Variants in GRM7 observed in about 807,000 individuals in gnomAD.
GRM7 encodes the protein metabotropic glutamate receptor 7.
GRM7 carries 35 observed loss-of-function variants against 84.5 expected under a neutral mutation model. That is an observed-to-expected ratio of 0.41 (90% confidence interval 0.32 to 0.55). GRM7 has a LOEUF of 0.55. GRM7 is among the 20% of genes least tolerant of loss of function. GRM7 has a pLI of 0.19. For synonymous variants in GRM7, 487 were observed against 455.1 expected, an observed-to-expected ratio of 1.07 and a Z score of -0.89; for missense variants, 1,003 against 1,194.6, an observed-to-expected ratio of 0.84 and a Z score of 2.36.
At chr3:7,403,355 AATTGTATGT>A (rs1212258638) in intron 4 of GRM7, among the ~76,000 whole-genome samples, 1 of 151,668 alleles carries the variant, frequency 6.6e-6, no homozygotes, top group Non-Finnish European at 1.5e-5. Flanking sequence ...ATAAATGTAT[AATTGTATGT>A]ATTGTAATAG....
At chr3:6,873,003 G>T (rs192161825) in intron 1 of GRM7, among the ~76,000 whole-genome samples, 48 of 152,220 alleles carry the variant, frequency 3.2e-4, no homozygotes, top group African/African-American at 1.2e-3. Flanking sequence ...GGGTCAAATG[G>T]TATTTCTGGT....
chr3:7,063,865 C>G (rs79559401), intron 1 of GRM7, among the ~76,000 whole-genome samples: 1,984 of 151,758 alleles, frequency 0.013, 23 homozygotes, highest in Admixed American at 0.025. Context: ...CCAACAGAAG[C>G]TGTCCATAGT....
intron 1 of GRM7, among the ~76,000 whole-genome samples, chr3:6,914,897 C>T (rs982742180): frequency 2.0e-5 from 3 of 152,084 alleles, no homozygotes; most frequent in African/African-American, 7.2e-5. Context: ...CCAGTGTGGC[C>T]CCTATCGTTC....
intron 5 of GRM7, among the ~76,000 whole-genome samples, chr3:7,445,350 C>T (rs1002590811): frequency 6.6e-6 from 1 of 152,084 alleles, no homozygotes; most frequent in Non-Finnish European, 1.5e-5. Flanking sequence ...AACAGAGAGG[C>T]AAGAAACGGA....
At chr3:7,598,019 A>T (rs1696133393) in intron 8 of GRM7, among the ~76,000 whole-genome samples, 1 of 152,274 alleles carries the variant, frequency 6.6e-6, no homozygotes, top group East Asian at 1.9e-4. Flanking sequence ...TCTCAGGAAG[A>T]CAAAAGGACC....
At chr3:7,210,472 A>G (rs1238301869) in intron 2 of GRM7, among the ~76,000 whole-genome samples, 1 of 152,222 alleles carries the variant, frequency 6.6e-6, no homozygotes, top group Non-Finnish European at 1.5e-5. Flanking sequence ...GAGAAGAGGG[A>G]TGTGAAAGTG....
intron 1 of GRM7, among the ~76,000 whole-genome samples, chr3:7,032,510 T>C (rs79834566): frequency 0.032 from 4,933 of 152,276 alleles, 288 homozygotes; most frequent in African/African-American, 0.11. Flanking sequence ...GCCAGAAGTG[T>C]ACTTGGAGAC....
At chr3:7,540,081 C>G (rs1023371387) in intron 7 of GRM7, among the ~76,000 whole-genome samples, 1 of 152,060 alleles carries the variant, frequency 6.6e-6, no homozygotes, top group Admixed American at 6.6e-5. Flanking sequence ...CAGACTATAA[C>G]AAGTATTGAC....
intron 1 of GRM7, among the ~76,000 whole-genome samples, chr3:7,052,720 G>GTTTTTTTTTTTTTTTTTTTT (rs372132445): frequency 9.8e-6 from 1 of 101,562 alleles, no homozygotes; most frequent in African/African-American, 4.5e-5. Flanking sequence ...AGTATCGGTA[G>GTTTTTTTTTTTTTTTTTTTT]TTTTTTTTTT....
intron 2 of GRM7, among the ~76,000 whole-genome samples, chr3:7,269,343 A>G (rs544710044): frequency 1.1e-4 from 16 of 152,202 alleles, no homozygotes; most frequent in Admixed American, 3.9e-4. Context: ...CACCTGAACT[A>G]TGACCTCACT....
chr3:6,998,119 CAAA>C (rs3063449), intron 1 of GRM7, among the ~76,000 whole-genome samples: 529 of 18,436 alleles, frequency 0.029, 43 homozygotes, highest in Middle Eastern at 0.1. Flanking sequence ...ATCTCCATCT[CAAA>C]AAAAAAAAAA....
At chr3:7,164,564 T>C (rs905295225) in intron 2 of GRM7, among the ~76,000 whole-genome samples, 7 of 152,220 alleles carry the variant, frequency 4.6e-5, no homozygotes, top group African/African-American at 1.4e-4. Flanking sequence ...TGGAGTCACA[T>C]TGACTTCTTC....
intron 2 of GRM7, among the ~76,000 whole-genome samples, chr3:7,160,991 T>C (rs1694605717): frequency 6.6e-6 from 1 of 152,102 alleles, no homozygotes; most frequent in South Asian, 2.1e-4. Flanking sequence ...ACTAAATCAG[T>C]CTTTTAGGGA....
chr3:7,215,647 A>G (rs1000757214), intron 2 of GRM7, among the ~76,000 whole-genome samples: 2 of 151,690 alleles, frequency 1.3e-5, no homozygotes, highest in African/African-American at 4.8e-5. Context: ...CCTGGGCGAC[A>G]GAGCGAGACT....
chr3:7,027,907 C>T (rs541812827), intron 1 of GRM7, among the ~76,000 whole-genome samples: 10 of 152,164 alleles, frequency 6.6e-5, no homozygotes, highest in African/African-American at 2.4e-4. Flanking sequence ...GGTCTTAGGA[C>T]TTATTTGACC....
intron 1 of GRM7, among the ~76,000 whole-genome samples, chr3:7,049,007 A>G (rs1433755694): frequency 2.0e-5 from 3 of 152,108 alleles, no homozygotes; most frequent in African/African-American, 7.2e-5. Flanking sequence ...GTGAATTGTC[A>G]TAGTGTTATT....
intron 7 of GRM7, among the ~76,000 whole-genome samples, chr3:7,562,021 C>T (rs1485179): frequency 0.51 from 78,118 of 151,914 alleles, 20,868 homozygotes; most frequent in African/African-American, 0.66. Context: ...GAGTTTGAAA[C>T]TCCAACTGCT....
chr3:6,985,169 C>T (rs1694363454), intron 1 of GRM7, among the ~76,000 whole-genome samples: 2 of 152,100 alleles, frequency 1.3e-5, no homozygotes, highest in South Asian at 4.1e-4. Flanking sequence ...ATAAACATAT[C>T]ACAGAGAATG....
At chr3:7,723,116 T>G (rs1465075357) in intron 9 of GRM7, among the ~76,000 whole-genome samples, 1 of 152,190 alleles carries the variant, frequency 6.6e-6, no homozygotes, top group Non-Finnish European at 1.5e-5. Context: ...TTTAAACATT[T>G]TAGAGTTACC....
Sources: allele counts gnomAD v4.1 joint callset (sites outside exome capture counted in the v4.1 genomes callset), GRCh38; gene constraint gnomAD v4.1.1; transcripts MANE v1.5; gene names NCBI Gene and HGNC (gene_info 2026-07-23, HGNC 2026-07-21).